The following ATG7 variants were observed in gnomAD, a reference collection of about 807,000 sequenced individuals.
The protein encoded by ATG7 is ubiquitin-like modifier-activating enzyme ATG7.
A neutral mutation model predicts 82.4 loss-of-function variants in ATG7; 70 were observed. The ratio of observed to expected loss-of-function variants is 0.85; its 90% CI spans 0.70 to 1.04. The LOEUF is 1.04. Ranked by LOEUF, ATG7 falls within the 50% of genes least tolerant of loss-of-function variation. ATG7 has a pLI of 0.00. For missense variants in ATG7, 792 were observed against 864.3 expected (o/e 0.92, Z 1.05); for synonymous variants, 287 against 313.0 (o/e 0.92, Z 0.88).
intron 18 of ATG7, among the ~76,000 whole-genome samples, chr3:11,375,293 G>GTAAGA (rs2077332213): frequency 1.5e-4 from 23 of 152,164 alleles, no homozygotes; most frequent in Admixed American, 1.5e-3. Flanking sequence ...TCCAGAATAT[G>GTAAGA]TAACAAACTT....
chr3:11,440,751 T>C (rs557646390), intron 20 of ATG7, among the ~76,000 whole-genome samples: 345 of 136,098 alleles, frequency 2.5e-3, no homozygotes, highest in Middle Eastern at 8.3e-3. Context: ...TGGTGCAATC[T>C]TGGCTCACTG....
chr3:11,458,614 C>A (rs180988979), intron 20 of ATG7, among the ~76,000 whole-genome samples: 3 of 152,176 alleles, frequency 2.0e-5, no homozygotes, highest in Non-Finnish European at 4.4e-5. Context: ...ATTGTGTGAC[C>A]ATAGCTAGTT....
At position 11,342,293 on chromosome 3, in the gene ATG7, G is replaced by C. The variant is rs777300033; in HGVS notation, c.1125+14G>C. 3 of 1,602,932 alleles carry C rather than the reference G, an allele frequency of 1.9e-6. No individual in the cohort carries two copies. Among genetic ancestry groups the C allele is most frequent in the East Asian group, 4.5e-5 (2 of 44,236 alleles). ...AGGACGTTGATGGTAAGTCGGAGGTGGGGGGTGCAAATGGCACCTTTGAAG... is the reference window on the plus strand; with the variant it reads ...AGGACGTTGATGGTAAGTCGGAGGTCGGGGGTGCAAATGGCACCTTTGAAG... On this transcript the variant is annotated intron_variant, in intron 13 of 20. Transcript: ENST00000693202.
Position 11,316,723 on chromosome 3 carries a change from C to T in ATG7, c.678+1230C>T, listed in dbSNP as rs569927424. 1.1e-4 allele frequency among the ~76,000 whole-genome samples: 17 copies of T among 152,226 alleles called. No individual in the cohort carries two copies. In the South Asian group the frequency reaches 2.9e-3, roughly 26 times the overall value. ...TTCTTTTGAGTGAATGAAAGAGTACCGTAAATGTCTTTTAGAAGTGATCAG... is the reference window on the plus strand; with the variant it reads ...TTCTTTTGAGTGAATGAAAGAGTACTGTAAATGTCTTTTAGAAGTGATCAG... On this transcript the variant is annotated intron_variant, in intron 9 of 20. Coordinates refer to ENST00000693202, the MANE Select transcript of ATG7 (RefSeq NM_001349232.2).
the ATG7 span, among the ~76,000 whole-genome samples, chr3:11,575,113 G>A: frequency 6.6e-6 from 1 of 152,174 alleles, no homozygotes; most frequent in Non-Finnish European, 1.5e-5. Context: ...GAGGTGGAGG[G>A]ATCTGCCTGG....
chr3:11,435,863 C>T (rs117731772), intron 20 of ATG7, among the ~76,000 whole-genome samples: 37 of 152,172 alleles, frequency 2.4e-4, no homozygotes, highest in East Asian at 1.2e-3. Flanking sequence ...CATAAGAATA[C>T]GAAAAAGTGG....
At chr3:11,322,100 C>T (rs1950293247) in intron 9 of ATG7, among the ~76,000 whole-genome samples, 4 of 152,200 alleles carry the variant, frequency 2.6e-5, no homozygotes, top group African/African-American at 9.7e-5. Context: ...GGTTTCATCT[C>T]ACTTCTTGGG....
intron 5 of ATG7, among the ~76,000 whole-genome samples, chr3:11,304,941 T>TA (rs1947471776): frequency 6.6e-6 from 1 of 152,116 alleles, no homozygotes; most frequent in Non-Finnish European, 1.5e-5. Context: ...GTGCTGCCAT[T>TA]ACTATTAATT....
At chr3:11,371,016 T>G (rs2152829730) in intron 18 of ATG7, among the ~76,000 whole-genome samples, 1 of 151,192 alleles carries the variant, frequency 6.6e-6, no homozygotes. Flanking sequence ...TTCCTGAGCC[T>G]CCTATGTTCC....
intron 11 of ATG7, among the ~76,000 whole-genome samples, chr3:11,333,745 TTTC>T (rs1951975106): frequency 6.7e-6 from 1 of 149,862 alleles, no homozygotes; most frequent in South Asian, 2.1e-4. Flanking sequence ...TCCGGATATA[TTTC>T]TTTTTTTTTT....
chr3:11,503,485 G>A (rs774489308), intron 20 of ATG7, among the ~76,000 whole-genome samples: 2 of 151,932 alleles, frequency 1.3e-5, no homozygotes, highest in African/African-American at 4.8e-5. Flanking sequence ...CAGGCCGGGC[G>A]CAGTGGCTCA....
chr3:11,510,137 T>G, intron 20 of ATG7: 2 of 442,872 alleles, frequency 4.5e-6, no homozygotes, highest in Middle Eastern at 3.3e-4. Flanking sequence ...GGAAGGTACG[T>G]GCCTGACACA....
At chr3:11,329,904 G>A (rs900496839) in intron 9 of ATG7, among the ~76,000 whole-genome samples, 1 of 152,150 alleles carries the variant, frequency 6.6e-6, no homozygotes, top group Non-Finnish European at 1.5e-5. Flanking sequence ...ATTGCAATTC[G>A]TTGTCATGTC....
chr3:11,555,325 C>T lies in ATG7; in HGVS notation c.*482C>T, dbSNP rs2125078345. 6.3e-6 allele frequency: 1 copy of T among 158,102 alleles called. No homozygotes were observed. Among genetic ancestry groups the T allele is most frequent in the Non-Finnish European group, 1.4e-5 (1 of 72,104 alleles). 9.8% of individuals were successfully genotyped at this position (158,102 alleles called of 1,614,324 possible). A position where few individuals can be genotyped will look rare whatever the true frequency, so the allele number is the denominator to read the frequency against. On this transcript the variant is annotated 3_prime_UTR_variant, in exon 21 of 21. Coordinates refer to ENST00000693202, the MANE Select transcript of ATG7 (RefSeq NM_001349232.2). ...GGGTGAGGGTGGGACCCCGTGAGCG[C>T]ACTGCACCCTGGCCCTGGTGGAGCG...
At chr3:11,515,427 C>A (rs1195403151) in intron 20 of ATG7, among the ~76,000 whole-genome samples, 1 of 152,202 alleles carries the variant, frequency 6.6e-6, no homozygotes. Context: ...CCTCAGCCAC[C>A]TGAGTAGCTG....
At chr3:11,378,407 G>T (rs2077595571) in intron 18 of ATG7, among the ~76,000 whole-genome samples, 1 of 151,272 alleles carries the variant, frequency 6.6e-6, no homozygotes, top group Admixed American at 6.6e-5. Context: ...TTCGGGCTGG[G>T]CGCGGTGGCT....
intron 19 of ATG7, among the ~76,000 whole-genome samples, chr3:11,401,669 G>A (rs1436000097): frequency 1.3e-5 from 2 of 152,102 alleles, no homozygotes; most frequent in African/African-American, 4.8e-5. Flanking sequence ...TGTTTTATAA[G>A]CCATTCTGTG....
At chr3:11,291,771 A>G (rs1240739571) in intron 3 of ATG7, among the ~76,000 whole-genome samples, 1 of 152,230 alleles carries the variant, frequency 6.6e-6, no homozygotes, top group Non-Finnish European at 1.5e-5. Context: ...GGAACTGTTA[A>G]TATCCACTGA....
intron 20 of ATG7, among the ~76,000 whole-genome samples, chr3:11,465,973 T>C (rs1022902743): frequency 2.6e-5 from 4 of 152,218 alleles, no homozygotes; most frequent in African/African-American, 9.6e-5. Context: ...GGTACATTCT[T>C]TTCATTTGTG....
Sources: allele counts gnomAD v4.1 joint callset (sites outside exome capture counted in the v4.1 genomes callset), GRCh38; gene constraint gnomAD v4.1.1; transcripts MANE v1.5; gene names NCBI Gene and HGNC (gene_info 2026-07-23, HGNC 2026-07-21).